Variants in ANKS1B observed in about 807,000 individuals in gnomAD.
ANKS1B encodes ankyrin repeat and sterile alpha motif domain-containing protein 1B.
A neutral mutation model predicts 148.3 loss-of-function variants in ANKS1B; 36 were observed. The ratio of observed to expected loss-of-function variants is 0.24; its 90% CI spans 0.19 to 0.32. The LOEUF (loss-of-function observed/expected upper bound fraction) is 0.32, where lower values mean the gene tolerates loss of function less well. ANKS1B is among the 10% of genes least tolerant of loss of function. ANKS1B has a pLI of 1.00. For synonymous variants in ANKS1B, 542 were observed against 560.8 expected (o/e 0.97, Z 0.47); for missense variants, 1,157 against 1,542.6 (o/e 0.75, Z 4.19).
At chr12:99,846,540 C>T (rs2086698207) in intron 1 of ANKS1B, among the ~76,000 whole-genome samples, 4 of 152,212 alleles carry the variant, frequency 2.6e-5, no homozygotes, top group Middle Eastern at 6.8e-3. Flanking sequence ...ACTATTTCCT[C>T]TTTTATTTCA....
intron 15 of ANKS1B, among the ~76,000 whole-genome samples, chr12:99,106,324 G>C (rs1346921296): frequency 1.3e-5 from 2 of 152,232 alleles, no homozygotes; most frequent in African/African-American, 4.8e-5. Context: ...CAGATTAGAA[G>C]TTCTCATAGC....
At chr12:98,905,692 C>T (rs78367052) in intron 17 of ANKS1B, among the ~76,000 whole-genome samples, 6 of 151,944 alleles carry the variant, frequency 3.9e-5, no homozygotes, top group Non-Finnish European at 2.9e-5. Context: ...GGATCACTTG[C>T]GCCCAGGAAG....
At chr12:98,740,388 A>G (rs1017314617), downstream of ANKS1B, among the ~76,000 whole-genome samples, 4 of 152,180 alleles carry the variant, frequency 2.6e-5, no homozygotes, top group African/African-American at 9.7e-5. Flanking sequence ...ATGTCTGCCA[A>G]TGCAGCATGC....
chr12:99,366,471 T>TAAAAC (rs907515839), intron 12 of ANKS1B, among the ~76,000 whole-genome samples: 1 of 152,058 alleles, frequency 6.6e-6, no homozygotes, highest in Admixed American at 6.5e-5. Context: ...CCTCTATAAT[T>TAAAAC]AAAACAGTGT....
At chr12:99,918,419 C>G (rs2094239559) in intron 1 of ANKS1B, among the ~76,000 whole-genome samples, 2 of 152,152 alleles carry the variant, frequency 1.3e-5, no homozygotes, top group African/African-American at 4.8e-5. Flanking sequence ...TCACCCAAAC[C>G]CTTTATTTTG....
In ANKS1B at chr12:99,968,457, C is replaced by G. The variant is rs184173585; in HGVS notation, c.134+15647G>C. 2.9e-3 allele frequency among the ~76,000 whole-genome samples: 436 copies of G among 152,268 alleles called. 5 individuals carry two copies. The highest frequency in any genetic ancestry group is 0.028 in the South Asian group (136 of 4,826). On this transcript the variant is annotated intron_variant, in intron 1 of 26. Coordinates refer to ENST00000683438, the MANE Select transcript of ANKS1B (RefSeq NM_001352186.2). ...CCTGTAGTCCCGGCTACTCGGGAGG[C>G]TGAGGCAGGAGAATGGCGTGAACCC...
At chr12:98,821,883 C>T (rs947054024) in intron 19 of ANKS1B, among the ~76,000 whole-genome samples, 27 of 151,328 alleles carry the variant, frequency 1.8e-4, no homozygotes, top group African/African-American at 6.5e-4. Context: ...GCTGAGATTA[C>T]AGGCATAAGC....
chr12:98,744,787 A>T lies in ANKS1B; in HGVS notation c.*952T>A, dbSNP rs1182081142. 1.5e-5 allele frequency: 15 copies of T among 977,740 alleles called. No individual in the cohort carries two copies. The highest frequency in any genetic ancestry group is 1.8e-5 in the Non-Finnish European group (15 of 825,054). The allele number at this position is 977,740 out of a possible 1,614,324, so 60.6% of individuals were successfully genotyped here. ...CCATGACAGAAATCTTGACAGCAGG[A>T]GCACTAGATTTTTTTTTTTTTAACA... On this transcript the variant is annotated 3_prime_UTR_variant, in exon 27 of 27. Coordinates refer to ENST00000683438, the MANE Select transcript of ANKS1B (RefSeq NM_001352186.2).
At chr12:99,886,435 G>C (rs1204199931) in intron 1 of ANKS1B, among the ~76,000 whole-genome samples, 1 of 152,116 alleles carries the variant, frequency 6.6e-6, no homozygotes, top group Non-Finnish European at 1.5e-5. Flanking sequence ...ATTTCCTATT[G>C]TGTAATTAAT....
At chr12:98,863,620 T>C (rs1453929505) in intron 17 of ANKS1B, among the ~76,000 whole-genome samples, 2 of 152,240 alleles carry the variant, frequency 1.3e-5, no homozygotes, top group Non-Finnish European at 1.5e-5. Flanking sequence ...TTCTTATATA[T>C]AAAGAGAAAA....
At chr12:99,731,413 C>CCTGTGTGTGTGTGTGTGTGT (rs1237223581) in intron 8 of ANKS1B, among the ~76,000 whole-genome samples, 11 of 143,836 alleles carry the variant, frequency 7.6e-5, no homozygotes, top group African/African-American at 2.6e-4. Flanking sequence ...ACCACCGTGC[C>CCTGTGTGTGTGTGTGTGTGT]GTGTGTGTGT....
chr12:99,916,517 T>A (rs543000828), intron 1 of ANKS1B, among the ~76,000 whole-genome samples: 1 of 152,280 alleles, frequency 6.6e-6, no homozygotes, highest in African/African-American at 2.4e-5. Flanking sequence ...GAGTACATAA[T>A]TGAGATGGAT....
chr12:98,837,157 C>T (rs1429030184), intron 17 of ANKS1B, among the ~76,000 whole-genome samples: 1 of 140,842 alleles, frequency 7.1e-6, no homozygotes, highest in African/African-American at 2.5e-5. Flanking sequence ...CAGTGAAACC[C>T]CGTCTCTATT....
intron 12 of ANKS1B, among the ~76,000 whole-genome samples, chr12:99,291,862 C>T (rs1174529127): frequency 2.0e-5 from 3 of 152,214 alleles, no homozygotes; most frequent in Non-Finnish European, 1.5e-5. Flanking sequence ...CACACATCTA[C>T]AGCCATCTTA....
intron 1 of ANKS1B, among the ~76,000 whole-genome samples, chr12:99,857,511 C>T (rs765108725): frequency 1.3e-5 from 2 of 152,072 alleles, no homozygotes; most frequent in Non-Finnish European, 2.9e-5. Context: ...ATACCACCAT[C>T]ATTCTTCACA....
rs60236753 is a variant in ANKS1B at position 99,272,496 on chromosome 12, G to A, written c.1757-25632C>T. Among the ~76,000 whole-genome samples the A allele has an allele frequency of 6.4e-3, 981 of 152,194 alleles. 8 individuals are homozygous for A. The highest frequency in any genetic ancestry group is 0.02 in the East Asian group (106 of 5,174). ...CTGGAGTATAATGAAGACTTGAAGC[G>A]TCCAGGAGAAGGATAATTGGGATAT... On this transcript the variant is annotated intron_variant, in intron 12 of 26. Transcript: ENST00000683438.
At chr12:98,853,167 T>C (rs1280026672) in intron 17 of ANKS1B, among the ~76,000 whole-genome samples, 2 of 152,126 alleles carry the variant, frequency 1.3e-5, no homozygotes, top group African/African-American at 4.8e-5. Flanking sequence ...TAGGGGTCAG[T>C]CTTCCTAAAA....
At chr12:98,835,712 TGGACG>T (rs894554536) in intron 17 of ANKS1B, among the ~76,000 whole-genome samples, 1 of 152,026 alleles carries the variant, frequency 6.6e-6, no homozygotes, top group African/African-American at 2.4e-5. Flanking sequence ...CAGATGAGGG[TGGACG>T]GATGAATGAA....
At chr12:99,813,472 T>C (rs748812267) in intron 2 of ANKS1B, among the ~76,000 whole-genome samples, 64 of 151,388 alleles carry the variant, frequency 4.2e-4, no homozygotes, top group Non-Finnish European at 8.1e-4. Context: ...CAGATTTACA[T>C]TTAAACATTT....
Sources: gnomAD v4.1 joint callset for allele counts (sites outside exome capture counted in the v4.1 genomes callset) on GRCh38, gnomAD v4.1.1 for gene constraint, MANE v1.5 for transcripts, NCBI Gene and HGNC (gene_info 2026-07-23, HGNC 2026-07-21) for gene names.